The following PDS5A variants were observed in gnomAD, a reference collection of about 807,000 sequenced individuals.
PDS5A encodes the protein sister chromatid cohesion protein PDS5 homolog A.
PDS5A carries 42 observed loss-of-function variants against 167.1 expected under a neutral mutation model. The observed-to-expected ratio is 0.25, with a 90% confidence interval of 0.20 to 0.33. The LOEUF is 0.33. PDS5A is among the 10% of genes least tolerant of loss of function. PDS5A has a pLI of 1.00. For missense variants in PDS5A, 1,033 were observed against 1,605.9 expected (o/e 0.64, Z 6.10); for synonymous variants, 553 against 554.6 (o/e 1.00, Z 0.04).
chr4:39,924,610 G>A (rs531689110), intron 5 of PDS5A, among the ~76,000 whole-genome samples: 21 of 152,272 alleles, frequency 1.4e-4, no homozygotes, highest in Non-Finnish European at 2.2e-4. Context: ...ACATATGGCT[G>A]GTGAACATGT....
chr4:39,835,812 C>A (rs1392555053), intron 32 of PDS5A, among the ~76,000 whole-genome samples: 2 of 152,154 alleles, frequency 1.3e-5, no homozygotes, highest in Admixed American at 1.3e-4. Flanking sequence ...CGTGAGCCAC[C>A]GTGCCTGGCC....
intron 5 of PDS5A, among the ~76,000 whole-genome samples, chr4:39,923,638 A>AACACACACATACACACACATACACACAC (rs1553902729): frequency 1.0e-4 from 13 of 125,294 alleles, no homozygotes; most frequent in African/African-American, 3.6e-4. Flanking sequence ...CCTGTCTCAA[A>AACACACACATACACACACATACACACAC]ACACACACAC....
Position 39,848,935 on chromosome 4 carries a change from A to T in PDS5A, c.3255T>A (p.Val1085=). 6.2e-7 allele frequency: 1 copy of T among 1,604,280 alleles called. No individual in the cohort carries two copies. The highest frequency in any genetic ancestry group is 8.5e-7 in the Non-Finnish European group (1 of 1,173,200). The change falls in exon 28 of 33, where the codon GTT becomes GTA. Residue 1085 remains valine (V), a synonymous_variant. Coordinates refer to ENST00000303538, the MANE Select transcript of PDS5A (RefSeq NM_001100399.2). ...TGCACAAAGCACTTTTACTATTTATAACACAGAGAGCCACATCACATACTG... is the reference window on the plus strand; with the variant it reads ...TGCACAAAGCACTTTTACTATTTATTACACAGAGAGCCACATCACATACTG... ...LYTVCDVALC[V]INSKSALCNA...
chr4:39,948,040 A>C (rs1727939830), intron 2 of PDS5A, among the ~76,000 whole-genome samples: 1 of 152,086 alleles, frequency 6.6e-6, no homozygotes, highest in Non-Finnish European at 1.5e-5. Flanking sequence ...GCCTTGAGAC[A>C]AGGAATGCAA....
rs761300647 is a variant in PDS5A, at chr4:39,848,836, G to A, written c.3339+15C>T. On this transcript the variant is annotated intron_variant, in intron 28 of 32. Coordinates refer to ENST00000303538, the MANE Select transcript of PDS5A (RefSeq NM_001100399.2). Reference sequence around the variant, plus strand: ...CAGTTTAGTGTGGTAGGAAAAATGAGAGGAAGAAAATTACCTTTTCAGGTT... The same window carrying A: ...CAGTTTAGTGTGGTAGGAAAAATGAAAGGAAGAAAATTACCTTTTCAGGTT... 9 of 1,568,756 alleles carry A rather than the reference G, an allele frequency of 5.7e-6. No homozygotes were observed. The East Asian group carries it at 1.6e-4, about 28-fold the overall frequency.
intron 32 of PDS5A, among the ~76,000 whole-genome samples, chr4:39,826,551 TCTGGGCTCACTG>T (rs1477021373): frequency 6.6e-6 from 1 of 151,714 alleles, no homozygotes; most frequent in Non-Finnish European, 1.5e-5. Context: ...AGTGGTGTGA[TCTGGGCTCACTG>T]CAAGCTCCAC....
At chr4:39,900,393 T>G in intron 14 of PDS5A, 33 bp downstream of exon 14, 1 of 1,366,058 alleles carries the variant, frequency 7.3e-7, no homozygotes, top group Non-Finnish European at 1.0e-6. Context: ...GTGACTATAA[T>G]AAACTATGAA....
chr4:39,926,518 C>CA (rs34277222), intron 4 of PDS5A, among the ~76,000 whole-genome samples: 30,005 of 107,986 alleles, frequency 0.28, 3,649 homozygotes, highest in South Asian at 0.38. Flanking sequence ...AACTACGTCT[C>CA]AAAAAAAAAA....
intron 9 of PDS5A, 131 bp downstream of exon 9, chr4:39,913,480 A>G (rs1724076763): frequency 1.7e-6 from 1 of 583,624 alleles, no homozygotes; most frequent in East Asian, 2.7e-5. Flanking sequence ...CATAAGAAGG[A>G]TGGAAACACA....
chr4:39,973,062 T>A (rs1730712399), intron 2 of PDS5A: 1 of 687,322 alleles, frequency 1.5e-6, no homozygotes, highest in Non-Finnish European at 2.6e-6. Context: ...CATATTTAAG[T>A]TTTTCGATGT....
chr4:39,930,246 A>AAAAAAAAAAAAAAAAAATTTTTT, intron 2 of PDS5A, among the ~76,000 whole-genome samples: 2 of 93,166 alleles, frequency 2.1e-5, no homozygotes, highest in Non-Finnish European at 4.5e-5. Flanking sequence ...AAAAAAAAAA[A>AAAAAAAAAAAAAAAAAATTTTTT]GTTTTTTTGT....
In PDS5A at chr4:39,906,353, G is replaced by A. The variant is rs372662585; in HGVS notation, c.1233+2042C>T. On this transcript the variant is annotated intron_variant, in intron 11 of 32. Transcript: ENST00000303538. ...ACTGCACTCAAGCCAGGGCAACAAA[G>A]TGAGACCCTGTCTCAAACAAAAAAA... Among the ~76,000 whole-genome samples the A allele has an allele frequency of 3.3e-5, 5 of 151,856 alleles. No individual in the cohort carries two copies. In the South Asian group the frequency reaches 8.3e-4, roughly 25 times the overall value.
In PDS5A at chr4:39,827,916, A is replaced by C. The variant is rs377724006; in HGVS notation, c.4011-2428T>G. Among the ~76,000 whole-genome samples, 35 of 152,296 alleles carry C rather than the reference A, an allele frequency of 2.3e-4. 1 individual carries two copies. The East Asian group carries it at 4.2e-3, about 18-fold the overall frequency. On this transcript the variant is annotated intron_variant, in intron 32 of 32. Coordinates refer to ENST00000303538, the MANE Select transcript of PDS5A (RefSeq NM_001100399.2). The stretch of plus-strand genomic sequence containing the variant: ...AGCAAAACATACTCAACAATCAGCA[A>C]ATCTATTCAGAACATATTTTCAATT...
intron 16 of PDS5A, 53 bp from the exon 17 acceptor site, chr4:39,890,417 A>G: frequency 1.0e-6 from 1 of 984,320 alleles, no homozygotes; most frequent in Non-Finnish European, 1.6e-6. Flanking sequence ...CATATTTTTG[A>G]AAAGAAAAAT....
chr4:39,827,373 G>A (rs1436815989), intron 32 of PDS5A, among the ~76,000 whole-genome samples: 1 of 152,038 alleles, frequency 6.6e-6, no homozygotes, highest in African/African-American at 2.4e-5. Context: ...TGTATTTCTT[G>A]GGCTGCTCTC....
At chr4:39,914,006 G>A (rs959820720) in intron 8 of PDS5A, among the ~76,000 whole-genome samples, 1 of 152,066 alleles carries the variant, frequency 6.6e-6, no homozygotes, top group African/African-American at 2.4e-5. Context: ...GTACAAATAT[G>A]AGACATACAA....
intron 32 of PDS5A, among the ~76,000 whole-genome samples, chr4:39,827,972 T>C (rs1213917520): frequency 6.6e-6 from 1 of 152,186 alleles, no homozygotes; most frequent in Non-Finnish European, 1.5e-5. Context: ...GCCCTCTGAA[T>C]GATAGCCTTA....
intron 2 of PDS5A, among the ~76,000 whole-genome samples, chr4:39,944,302 T>A (rs1032002473): frequency 1.3e-5 from 2 of 152,168 alleles, no homozygotes; most frequent in East Asian, 1.9e-4. Flanking sequence ...TCTTAAAAAT[T>A]ACCTGGATAC....
chr4:39,872,172 C>CT (rs35032799), intron 21 of PDS5A, among the ~76,000 whole-genome samples: 1,232 of 95,462 alleles, frequency 0.013, 28 homozygotes, highest in African/African-American at 0.032. Flanking sequence ...AGTCCACTTA[C>CT]TTTTTTTTTT....
Sources: allele counts gnomAD v4.1 joint callset (sites outside exome capture counted in the v4.1 genomes callset), GRCh38; gene constraint gnomAD v4.1.1; transcripts MANE v1.5; gene names NCBI Gene and HGNC (gene_info 2026-07-23, HGNC 2026-07-21).